DYNC2LI1: variants seen among roughly 807,000 people sequenced by gnomAD.
The protein encoded by DYNC2LI1 is cytoplasmic dynein 2 light intermediate chain 1.
In DYNC2LI1, 45 loss-of-function variants were observed where a neutral mutation model predicts 51.9. The ratio of observed to expected loss-of-function variants is 0.87; its 90% CI spans 0.68 to 1.11. The LOEUF is 1.11. Ranked by LOEUF, DYNC2LI1 falls within the 50% of genes most tolerant of loss-of-function variation. DYNC2LI1 has a pLI of 0.00. For missense variants in DYNC2LI1, 490 were observed against 417.4 expected (o/e 1.17, Z -1.51); for synonymous variants, 130 against 137.8 (o/e 0.94, Z 0.40).
rs189773661 is a variant in DYNC2LI1 at position 43,775,137 on chromosome 2, A to T, written c.8+991A>T. ...CAATTATGACAATCCTATAAAGCTG[A>T]TACTCTTTTTTATTGGCTTTTTAGA... On this transcript the variant is annotated intron_variant, in intron 1 of 12. Coordinates refer to ENST00000260605, the MANE Select transcript of DYNC2LI1 (RefSeq NM_016008.4). 1.1e-4 allele frequency among the ~76,000 whole-genome samples: 17 copies of T among 152,322 alleles called. No homozygotes were observed. The East Asian group carries it at 3.1e-3, about 28-fold the overall frequency.
the DYNC2LI1 span, chr2:43,826,470 T>A: frequency 6.2e-7 from 1 of 1,614,024 alleles, no homozygotes; most frequent in Admixed American, 1.7e-5. Context: ...GACAATCTGA[T>A]TAGCAGTCAT....
intron 2 of DYNC2LI1, among the ~76,000 whole-genome samples, chr2:43,777,192 A>G (rs550629217): frequency 6.6e-6 from 1 of 152,200 alleles, no homozygotes; most frequent in Non-Finnish European, 1.5e-5. Flanking sequence ...TCAGTCTCTA[A>G]ATCAGTAAGT....
At chr2:43,818,229 A>G in the DYNC2LI1 span, among the ~76,000 whole-genome samples, 2 of 152,174 alleles carry the variant, frequency 1.3e-5, no homozygotes, top group Non-Finnish European at 2.9e-5. Flanking sequence ...AGGTGGGCGA[A>G]TCACTTGAGG....
chr2:43,824,694 G>C, the DYNC2LI1 span: 2 of 957,598 alleles, frequency 2.1e-6, no homozygotes, highest in Non-Finnish European at 2.5e-6. Flanking sequence ...GTTTGTTTGA[G>C]AGAGATCCCT....
At chr2:43,813,329 C>T, downstream of DYNC2LI1, 1 of 1,557,474 alleles carries the variant, frequency 6.4e-7, no homozygotes, top group African/African-American at 1.4e-5. Context: ...AAAAGATTGA[C>T]AGTGTCAGGT....
intron 2 of DYNC2LI1, among the ~76,000 whole-genome samples, chr2:43,783,285 T>C (rs917099849): frequency 1.3e-5 from 2 of 152,188 alleles, no homozygotes; most frequent in Non-Finnish European, 2.9e-5. Context: ...TTGTCATCTG[T>C]GGGACTTTAT....
intron 4 of DYNC2LI1, among the ~76,000 whole-genome samples, chr2:43,788,316 A>G (rs979068397): frequency 6.6e-6 from 1 of 152,196 alleles, no homozygotes; most frequent in African/African-American, 2.4e-5. Flanking sequence ...CCAAAATAAT[A>G]TATATTCACC....
At chr2:43,810,603 C>A, downstream of DYNC2LI1, 1 of 833,654 alleles carries the variant, frequency 1.2e-6, no homozygotes, top group Non-Finnish European at 1.4e-6. Context: ...TGACTCCCAG[C>A]TTCAGATAAG....
the DYNC2LI1 span, among the ~76,000 whole-genome samples, chr2:43,823,289 C>G: frequency 6.8e-6 from 1 of 148,080 alleles, no homozygotes; most frequent in Non-Finnish European, 1.5e-5. Flanking sequence ...CCACCCCGCC[C>G]CCACCACCAG....
chr2:43,804,779 ACTGT>A (rs758401613), intron 11 of DYNC2LI1, 40 bp downstream of exon 11: 20 of 1,300,160 alleles, frequency 1.5e-5, no homozygotes, highest in East Asian at 2.3e-5. Context: ...GACTTTTAGC[ACTGT>A]CTAACAGTTA....
At position 43,787,133 on chromosome 2, in the gene DYNC2LI1, A is replaced by T. The variant is rs186269515; in HGVS notation, c.162-48A>T. 1,995 of 1,488,324 alleles carry T rather than the reference A, an allele frequency of 1.3e-3. 8 individuals carry two copies. Among genetic ancestry groups the T allele is most frequent in the South Asian group, 2.8e-3 (239 of 85,890 alleles). The allele number at this position is 1,488,324 out of a possible 1,614,324, so 92.2% of individuals were successfully genotyped here. ...GAATCAGGTAAGGTGATAGCATAAGAAACTAATACCACCTACAATGATAAT... is the reference window on the plus strand; with the variant it reads ...GAATCAGGTAAGGTGATAGCATAAGTAACTAATACCACCTACAATGATAAT... On this transcript the variant is annotated intron_variant, in intron 3 of 12. Coordinates refer to ENST00000260605, the MANE Select transcript of DYNC2LI1 (RefSeq NM_016008.4).
Position 43,794,498 on chromosome 2 carries a change from A to G in DYNC2LI1, c.362A>G (p.Asn121Ser), listed in dbSNP as rs749532514. 6.2e-7 allele frequency: 1 copy of G among 1,613,984 alleles called. No homozygotes were observed. Among genetic ancestry groups the G allele is most frequent in the Non-Finnish European group, 8.5e-7 (1 of 1,179,964 alleles). Residue 121 changes from asparagine to serine, a missense_variant, in exon 6 of 13, where the codon AAT becomes AGT. Coordinates refer to ENST00000260605, the MANE Select transcript of DYNC2LI1 (RefSeq NM_016008.4). The stretch of plus-strand genomic sequence containing the variant: ...CTCGTTCTGGATCTTTCAAAACCTA[A>G]TGATCTCTGGCCCACCATGGAAAAT... The part of the protein sequence containing the change: ...LVLVLDLSKP[N>S]DLWPTMENLL...
the DYNC2LI1 span, among the ~76,000 whole-genome samples, chr2:43,818,333 A>G: frequency 6.6e-6 from 1 of 152,296 alleles, no homozygotes; most frequent in African/African-American, 2.4e-5. Context: ...AATCCCAGCT[A>G]TTCAGGAGAC....
chr2:43,792,632 C>T (rs1266687981), intron 5 of DYNC2LI1: 1 of 1,512,564 alleles, frequency 6.6e-7, no homozygotes, highest in South Asian at 1.3e-5. Context: ...CAAACTGAAA[C>T]TCTTTACCTA....
At chr2:43,821,100 C>G in the DYNC2LI1 span, among the ~76,000 whole-genome samples, 1 of 152,064 alleles carries the variant, frequency 6.6e-6, no homozygotes, top group Non-Finnish European at 1.5e-5. Context: ...GTAGAGTAAG[C>G]AAAAAATGTT....
At chr2:43,813,416 C>G (rs1367876610), downstream of DYNC2LI1, 4 of 795,758 alleles carry the variant, frequency 5.0e-6, no homozygotes, top group Non-Finnish European at 8.6e-6. Context: ...AAATACAGGA[C>G]ACTTTAGCAA....
chr2:43,798,088 C>A (rs2104703146), intron 8 of DYNC2LI1, among the ~76,000 whole-genome samples: 1 of 151,766 alleles, frequency 6.6e-6, no homozygotes, highest in African/African-American at 2.4e-5. Flanking sequence ...AATCACACCA[C>A]TGCACTCCAG....
intron 6 of DYNC2LI1, chr2:43,794,981 A>C: frequency 8.2e-7 from 1 of 1,215,084 alleles, no homozygotes; most frequent in African/African-American, 1.5e-5. Flanking sequence ...GTCACCTGAC[A>C]AAGACTAGAT....
chr2:43,794,377 T>C (rs1673932963), intron 5 of DYNC2LI1, 80 bp from the exon 6 acceptor site: 1 of 1,374,784 alleles, frequency 7.3e-7, no homozygotes, highest in African/African-American at 1.5e-5. Flanking sequence ...TTAGTTATTC[T>C]TAGATAAATT....
Sources: allele counts gnomAD v4.1 joint callset (sites outside exome capture counted in the v4.1 genomes callset), GRCh38; gene constraint gnomAD v4.1.1; transcripts MANE v1.5; gene names NCBI Gene and HGNC (gene_info 2026-07-23, HGNC 2026-07-21).